SNCAIP: variants seen among roughly 807,000 people sequenced by gnomAD.
The protein encoded by SNCAIP is synphilin-1.
In SNCAIP, 43 loss-of-function variants were observed where a neutral mutation model predicts 86.7. The observed-to-expected ratio is 0.50, with a 90% CI of 0.39 to 0.64. The LOEUF is 0.64. SNCAIP is among the 30% of genes least tolerant of loss of function. The probability of loss-of-function intolerance (pLI) is 0.00; values close to 1 mark genes in which losing one functional copy is unlikely to be tolerated. For synonymous variants in SNCAIP, 417 were observed against 427.2 expected, an observed-to-expected ratio of 0.98 and a Z score of 0.29; for missense variants, 981 against 1,103.1, an observed-to-expected ratio of 0.89 and a Z score of 1.57.
chr5:122,347,430 C>CT (rs1267786283), intron 1 of SNCAIP, among the ~76,000 whole-genome samples: 1 of 145,516 alleles, frequency 6.9e-6, no homozygotes, highest in Admixed American at 6.9e-5. Flanking sequence ...TGACAGGCCT[C>CT]TGTGCTTGAG....
At chr5:122,334,609 G>A in intron 1 of SNCAIP, among the ~76,000 whole-genome samples, 1 of 152,200 alleles carries the variant, frequency 6.6e-6, no homozygotes, top group East Asian at 1.9e-4. Flanking sequence ...TGGTAACGTT[G>A]AGGGAAGGAA....
At chr5:122,337,567 C>T (rs1756742840) in intron 1 of SNCAIP, among the ~76,000 whole-genome samples, 1 of 152,110 alleles carries the variant, frequency 6.6e-6, no homozygotes. Flanking sequence ...GAGGTGGAGT[C>T]TCGCCCTGTC....
chr5:122,341,560 C>T (rs1261011149), intron 1 of SNCAIP, among the ~76,000 whole-genome samples: 1 of 152,184 alleles, frequency 6.6e-6, no homozygotes, highest in East Asian at 1.9e-4. Flanking sequence ...CGAAAATTAA[C>T]CCAATCCCAG....
At chr5:122,331,373 G>T (rs902959221) in intron 1 of SNCAIP, among the ~76,000 whole-genome samples, 1 of 151,984 alleles carries the variant, frequency 6.6e-6, no homozygotes, top group East Asian at 1.9e-4. Context: ...TAACAGAAAG[G>T]CTCCTTAAAA....
chr5:122,380,477 C>T (rs1265950461), intron 1 of SNCAIP, among the ~76,000 whole-genome samples: 3 of 149,946 alleles, frequency 2.0e-5, no homozygotes, highest in Non-Finnish European at 3.0e-5. Context: ...TTTGTTGATC[C>T]TTTCAAAAAA....
In SNCAIP at chr5:122,403,717, G is replaced by GT; in HGVS notation, c.58-71dup. On this transcript the variant is annotated intron_variant, in intron 2 of 10. Transcript: ENST00000261368. ...GCCCAAGTATCACTTATTGTGTTTTGTTTTTCTGGCCAATCTGAGTGAATG... is the reference window on the plus strand; with the variant it reads ...GCCCAAGTATCACTTATTGTGTTTTGTTTTTTCTGGCCAATCTGAGTGAATG... 4 of 1,166,116 alleles carry GT rather than the reference G, an allele frequency of 3.4e-6. No homozygotes were observed. The South Asian group carries it at 3.7e-5, about 11-fold the overall frequency. The allele number at this position is 1,166,116 out of a possible 1,614,324, so 72.2% of individuals were successfully genotyped here. A position where few individuals can be genotyped will look rare whatever the true frequency, so the allele number is the denominator to read the frequency against.
At chr5:122,325,781 A>G (rs1201735953) in intron 1 of SNCAIP, among the ~76,000 whole-genome samples, 2 of 152,202 alleles carry the variant, frequency 1.3e-5, no homozygotes, top group Admixed American at 6.5e-5. Flanking sequence ...ATATTTTTGC[A>G]TTCTTCAATT....
chr5:122,344,319 A>G (rs1758176350), intron 1 of SNCAIP, among the ~76,000 whole-genome samples: 2 of 152,234 alleles, frequency 1.3e-5, no homozygotes, highest in South Asian at 2.1e-4. Context: ...AAAGATCACA[A>G]ACATAGCTGA....
intron 1 of SNCAIP, among the ~76,000 whole-genome samples, chr5:122,330,217 G>C (rs989006258): frequency 2.0e-5 from 3 of 147,170 alleles, no homozygotes; most frequent in Non-Finnish European, 4.5e-5. Context: ...CGCCTCCCGG[G>C]TTCACGCCAT....
At chr5:122,389,940 A>G (rs1425816756) in intron 1 of SNCAIP, 2 of 152,182 alleles carry the variant, frequency 1.3e-5, no homozygotes, top group Non-Finnish European at 2.9e-5. Flanking sequence ...AAAAAGAAAG[A>G]ATGGCTCAAC....
rs1291987923 is a variant in SNCAIP, at chr5:122,423,081, C to T, written c.344C>T (p.Pro115Leu). The T allele has an allele frequency of 1.9e-6, 3 of 1,614,082 alleles. No homozygotes were observed. The highest frequency in any genetic ancestry group is 1.1e-5 in the South Asian group (1 of 91,072). ...YQKGGESDLG[P>L]QPQELGPGDG... ...AAAGGGGGTGAGTCTGACCTGGGCC[C>T]CCAGCCTCAGGAGCTTGGCCCTGGA... The change falls in exon 4 of 11, where the codon CCC becomes CTC. Residue 115 changes from proline to leucine, a missense_variant. Pro to Leu is a moderately conservative substitution (Grantham distance 98, BLOSUM62 -3). Coordinates refer to ENST00000261368, the MANE Select transcript of SNCAIP (RefSeq NM_005460.4).
chr5:122,395,123 A>G (rs1191295066), intron 2 of SNCAIP, among the ~76,000 whole-genome samples: 2 of 152,224 alleles, frequency 1.3e-5, no homozygotes, highest in Non-Finnish European at 2.9e-5. Flanking sequence ...GGATTGATAG[A>G]CATTATAAAT....
intron 1 of SNCAIP, among the ~76,000 whole-genome samples, chr5:122,344,527 A>G (rs1758217454): frequency 6.6e-6 from 1 of 152,196 alleles, no homozygotes; most frequent in Non-Finnish European, 1.5e-5. Flanking sequence ...TTGAGCTACA[A>G]GGAAATGAGG....
intron 3 of SNCAIP, among the ~76,000 whole-genome samples, chr5:122,421,703 C>T (rs934891537): frequency 1.3e-5 from 2 of 152,154 alleles, no homozygotes; most frequent in Non-Finnish European, 2.9e-5. Flanking sequence ...ATAGGAACTA[C>T]ATGGCAGGGA....
Position 122,432,058 on chromosome 5 carries a change from T to C in SNCAIP, c.1272T>C (p.Ile424=). Residue 424 remains isoleucine, a synonymous_variant, in exon 6 of 11, where the codon ATT becomes ATC. Transcript: ENST00000261368. ...LSCSKDFPSL[I]HYAGCYGQEK... Reference sequence around the variant, plus strand: ...GTTCTAAGGATTTTCCAAGCCTTATTCATTACGCAGGTTGCTATGGCCAGG... The same window carrying C: ...GTTCTAAGGATTTTCCAAGCCTTATCCATTACGCAGGTTGCTATGGCCAGG... 1.3e-6 allele frequency: 2 copies of C among 1,584,194 alleles called. No individual in the cohort carries two copies. The highest frequency in any genetic ancestry group is 1.7e-6 in the Non-Finnish European group (2 of 1,152,944).
At chr5:122,349,409 A>G (rs1759323043) in intron 1 of SNCAIP, among the ~76,000 whole-genome samples, 1 of 152,178 alleles carries the variant, frequency 6.6e-6, no homozygotes, top group African/African-American at 2.4e-5. Context: ...TCTAAAGGGT[A>G]TTACAACTTC....
chr5:122,332,376 AGAG>A (rs1453824403), intron 1 of SNCAIP, among the ~76,000 whole-genome samples: 4 of 152,246 alleles, frequency 2.6e-5, no homozygotes, highest in Admixed American at 6.5e-5. Flanking sequence ...TGAGGGGGAA[AGAG>A]GAGAAAATCC....
At chr5:122,425,109 T>G (rs1777101747) in intron 4 of SNCAIP, among the ~76,000 whole-genome samples, 1 of 152,216 alleles carries the variant, frequency 6.6e-6, no homozygotes, top group Non-Finnish European at 1.5e-5. Context: ...ACTTGAAGCC[T>G]CCACACCTCA....
intron 10 of SNCAIP, among the ~76,000 whole-genome samples, chr5:122,462,764 A>G (rs1786703862): frequency 6.6e-6 from 1 of 152,178 alleles, no homozygotes; most frequent in African/African-American, 2.4e-5. Flanking sequence ...AGCAACAAGA[A>G]GTAATTTAGT....
Sources: gnomAD v4.1 joint callset for allele counts (sites outside exome capture counted in the v4.1 genomes callset) on GRCh38, gnomAD v4.1.1 for gene constraint, MANE v1.5 for transcripts, NCBI Gene and HGNC (gene_info 2026-07-23, HGNC 2026-07-21) for gene names.